The following NCKAP5 variants were observed in gnomAD, a reference collection of about 807,000 sequenced individuals.
NCKAP5 encodes nck-associated protein 5.
In NCKAP5, 92 loss-of-function variants were observed where a neutral mutation model predicts 167.0. That is an observed-to-expected ratio of 0.55 (90% CI 0.47 to 0.66). The LOEUF (loss-of-function observed/expected upper bound fraction) is 0.66. NCKAP5 is among the 30% of genes least tolerant of loss of function. The probability of loss-of-function intolerance (pLI) is 0.00; values close to 1 mark genes in which losing one functional copy is unlikely to be tolerated. For synonymous variants in NCKAP5, 891 were observed against 877.4 expected (o/e 1.02, Z -0.27); for missense variants, 2,378 against 2,315.0 (o/e 1.03, Z -0.56).
At chr2:133,251,149 G>A (rs1368703579) in intron 4 of NCKAP5, among the ~76,000 whole-genome samples, 2 of 151,958 alleles carry the variant, frequency 1.3e-5, no homozygotes, top group Non-Finnish European at 2.9e-5. Flanking sequence ...TGTTTACACA[G>A]CATTTACATT....
rs570176916 is a variant in NCKAP5, at chr2:133,470,603, C to T, written c.69+46855G>A. On this transcript the variant is annotated intron_variant, in intron 3 of 19. Transcript: ENST00000409261. Reference sequence around the variant, plus strand: ...GGCTGGGCAATGGCGGGTGCCCCTCCCCCAGCCTCGCTGCCGCCTTGCAGT... The same window carrying T: ...GGCTGGGCAATGGCGGGTGCCCCTCTCCCAGCCTCGCTGCCGCCTTGCAGT... Among the ~76,000 whole-genome samples the T allele has an allele frequency of 1.5e-3, 235 of 152,340 alleles. 3 individuals carry two copies. Among genetic ancestry groups the T allele is most frequent in the African/African-American group, 5.2e-3 (215 of 41,572 alleles).
At chr2:133,638,691 C>A in the NCKAP5 span, among the ~76,000 whole-genome samples, 2 of 151,942 alleles carry the variant, frequency 1.3e-5, no homozygotes, top group Non-Finnish European at 2.9e-5. Context: ...GGCCCCATCT[C>A]TACTAAAAAA....
At chr2:133,622,292 A>G in the NCKAP5 span, among the ~76,000 whole-genome samples, 1 of 150,828 alleles carries the variant, frequency 6.6e-6, no homozygotes, top group South Asian at 2.1e-4. Flanking sequence ...CAGAGCAATC[A>G]GACAAGAGAA....
chr2:132,861,142 A>T (rs972424484), intron 10 of NCKAP5, among the ~76,000 whole-genome samples: 1 of 152,166 alleles, frequency 6.6e-6, no homozygotes, highest in African/African-American at 2.4e-5. Context: ...GATGGCTTTT[A>T]AAAGGCCACT....
At chr2:133,105,495 C>A (rs1281415954) in intron 6 of NCKAP5, among the ~76,000 whole-genome samples, 1 of 152,208 alleles carries the variant, frequency 6.6e-6, no homozygotes, top group African/African-American at 2.4e-5. Flanking sequence ...AGAATTTCCT[C>A]TCTCTACTCT....
At chr2:133,503,660 A>G (rs1354543677) in intron 3 of NCKAP5, among the ~76,000 whole-genome samples, 1 of 152,074 alleles carries the variant, frequency 6.6e-6, no homozygotes, top group Non-Finnish European at 1.5e-5. Flanking sequence ...CAATTTTCCA[A>G]TTTTTCATGG....
chr2:132,731,597 T>C, intron 17 of NCKAP5, 140 bp downstream of exon 17: 1 of 840,396 alleles, frequency 1.2e-6, no homozygotes, highest in Non-Finnish European at 1.8e-6. Context: ...TTGTTTTGCT[T>C]GTTGGTGAAG....
intron 7 of NCKAP5, among the ~76,000 whole-genome samples, chr2:132,967,162 T>TACACACACACAC (rs149896546): frequency 1.4e-5 from 2 of 141,726 alleles, no homozygotes; most frequent in African/African-American, 2.6e-5. Context: ...TGCCCTATCG[T>TACACACACACAC]ACACACACAC....
rs534552164 is a variant in NCKAP5 at position 133,183,292 on chromosome 2, C to T, written c.207+30424G>A. Among the ~76,000 whole-genome samples, 16 of 151,972 alleles carry T rather than the reference C, an allele frequency of 1.1e-4. No homozygotes were observed. The South Asian group carries it at 1.5e-3, about 14-fold the overall frequency. ...AATTAGTATTACCCTGATACTAAAACGAGATAAAGGCAAATAAAAAAACTA... is the reference window on the plus strand; with the variant it reads ...AATTAGTATTACCCTGATACTAAAATGAGATAAAGGCAAATAAAAAAACTA... On this transcript the variant is annotated intron_variant, in intron 5 of 19. Coordinates refer to ENST00000409261, the MANE Select transcript of NCKAP5 (RefSeq NM_207363.3).
At chr2:132,853,423 G>T (rs1326361689) in intron 11 of NCKAP5, among the ~76,000 whole-genome samples, 4 of 152,148 alleles carry the variant, frequency 2.6e-5, no homozygotes, top group South Asian at 2.1e-4. Context: ...TGATCTCCGA[G>T]CATGAGAGTT....
At chr2:132,812,385 C>T (rs1685947449) in intron 11 of NCKAP5, among the ~76,000 whole-genome samples, 1 of 152,174 alleles carries the variant, frequency 6.6e-6, no homozygotes, top group African/African-American at 2.4e-5. Context: ...AATGAGAAAA[C>T]TGAGGGACAA....
At chr2:133,621,380 G>A in the NCKAP5 span, among the ~76,000 whole-genome samples, 4 of 152,006 alleles carry the variant, frequency 2.6e-5, no homozygotes, top group African/African-American at 9.7e-5. Flanking sequence ...CCATTAGCGA[G>A]GTTAACCAAG....
At chr2:133,374,965 C>A (rs1276443768) in intron 3 of NCKAP5, among the ~76,000 whole-genome samples, 3 of 152,104 alleles carry the variant, frequency 2.0e-5, no homozygotes, top group Non-Finnish European at 4.4e-5. Context: ...GTATAGAACC[C>A]AAAGCCAACT....
At chr2:132,913,789 C>G (rs1277259145) in intron 8 of NCKAP5, among the ~76,000 whole-genome samples, 1 of 152,010 alleles carries the variant, frequency 6.6e-6, no homozygotes, top group African/African-American at 2.4e-5. Flanking sequence ...TGGAAATACC[C>G]ACAAAGAACA....
intron 5 of NCKAP5, among the ~76,000 whole-genome samples, chr2:133,185,159 A>C (rs2084892663): frequency 6.6e-6 from 1 of 152,160 alleles, no homozygotes; most frequent in South Asian, 2.1e-4. Context: ...CTAGGGGTCC[A>C]ATTTCATTCT....
chr2:133,154,343 T>C (rs1442924259), intron 5 of NCKAP5, among the ~76,000 whole-genome samples: 1 of 152,208 alleles, frequency 6.6e-6, no homozygotes, highest in Non-Finnish European at 1.5e-5. Context: ...CTCTCACAAA[T>C]GAGGGACCAT....
chr2:133,409,798 G>A (rs1017960644), intron 3 of NCKAP5, among the ~76,000 whole-genome samples: 1 of 152,172 alleles, frequency 6.6e-6, no homozygotes, highest in Admixed American at 6.5e-5. Context: ...ATCTGTAAGA[G>A]ATGACTCTAT....
At chr2:133,106,151 G>C (rs79481279) in intron 6 of NCKAP5, among the ~76,000 whole-genome samples, 18,290 of 137,954 alleles carry the variant, frequency 0.13, 1,739 homozygotes, top group East Asian at 0.44. Context: ...AAATTAGCCA[G>C]GAGTGGTGGC....
chr2:132,735,449 A>G (rs1691420463), intron 16 of NCKAP5, among the ~76,000 whole-genome samples: 1 of 152,048 alleles, frequency 6.6e-6, no homozygotes. Context: ...TTCACCTTCC[A>G]TCATGATTGG....
Sources: gnomAD v4.1 joint callset for allele counts (sites outside exome capture counted in the v4.1 genomes callset) on GRCh38, gnomAD v4.1.1 for gene constraint, MANE v1.5 for transcripts, NCBI Gene and HGNC (gene_info 2026-07-23, HGNC 2026-07-21) for gene names.